The following ZNRF3 variants were observed in gnomAD, a reference collection of about 807,000 sequenced individuals.
ZNRF3 encodes the protein zinc and ring finger 3.
ZNRF3 carries 23 observed loss-of-function variants against 72.5 expected under a neutral mutation model. The ratio of observed to expected loss-of-function variants is 0.32; its 90% CI spans 0.23 to 0.45. ZNRF3 has a LOEUF of 0.45. Among genes scored for constraint, ZNRF3 ranks in the 20% least tolerant of loss-of-function variants. The probability of loss-of-function intolerance (pLI) is 1.00; values close to 1 mark genes in which losing one functional copy is unlikely to be tolerated. For synonymous variants in ZNRF3, 610 were observed against 545.3 expected, an observed-to-expected ratio of 1.12 and a Z score of -1.65; for missense variants, 1,169 against 1,272.1, an observed-to-expected ratio of 0.92 and a Z score of 1.23.
chr22:28,909,297 T>C (rs184295435), intron 1 of ZNRF3, among the ~76,000 whole-genome samples: 1 of 152,166 alleles, frequency 6.6e-6, no homozygotes, highest in Non-Finnish European at 1.5e-5. Flanking sequence ...TATTGCTACC[T>C]ATGGAAGAGT....
chr22:29,028,903 A>G (rs2036693214), intron 2 of ZNRF3, among the ~76,000 whole-genome samples: 1 of 152,232 alleles, frequency 6.6e-6, no homozygotes, highest in African/African-American at 2.4e-5. Context: ...GAGGAGTCCA[A>G]GGGGAAGCCC....
chr22:28,888,653 A>C (rs190919803), intron 1 of ZNRF3, among the ~76,000 whole-genome samples: 40 of 152,326 alleles, frequency 2.6e-4, no homozygotes, highest in Admixed American at 2.5e-3. Flanking sequence ...GTTTCCTCTT[A>C]TTTATACAGA....
intron 2 of ZNRF3, chr22:29,031,370 C>T (rs2036751654): frequency 6.5e-6 from 1 of 154,444 alleles, no homozygotes; most frequent in African/African-American, 2.4e-5. Flanking sequence ...ACCCCCGTTC[C>T]TGGCACCAGG....
At chr22:29,025,613 C>G (rs1442354347) in intron 2 of ZNRF3, 1 of 151,192 alleles carries the variant, frequency 6.6e-6, no homozygotes, top group East Asian at 1.9e-4. Flanking sequence ...GCCTGGAATA[C>G]AAGCGCATGA....
intron 2 of ZNRF3, among the ~76,000 whole-genome samples, chr22:28,989,929 G>C (rs545772854): frequency 3.5e-3 from 539 of 152,342 alleles, no homozygotes; most frequent in Admixed American, 6.6e-3. Context: ...GCATAAACTT[G>C]TCACCTCAGT....
Position 29,050,814 on chromosome 22 carries a change from G to C in ZNRF3, c.2633G>C (p.Arg878Pro), listed in dbSNP as rs769941403. The C allele has an allele frequency of 6.8e-6, 11 of 1,607,814 alleles. No homozygotes were observed. In the Middle Eastern group the frequency reaches 5.0e-4, roughly 73 times the overall value. ...RGLGATREEE[R>P]ALCCQARALL... is the part of the protein sequence containing the mutation. ...CTGGGAGCAACCCGGGAAGAGGAGC[G>C]GGCTCTGTGCTGCCAGGCTAGGGCC... The change falls in exon 8 of 9, where the codon CGG becomes CCG. Residue 878 changes from arginine to proline, a missense_variant. Coordinates refer to ENST00000544604, the MANE Select transcript of ZNRF3 (RefSeq NM_001206998.2).
intron 1 of ZNRF3, among the ~76,000 whole-genome samples, chr22:28,890,786 C>T (rs746321770): frequency 2.0e-5 from 3 of 150,412 alleles, no homozygotes; most frequent in Non-Finnish European, 4.4e-5. Flanking sequence ...TTGTCAGGGT[C>T]TCACCATGTT....
chr22:29,013,259 G>T (rs2036375613), intron 2 of ZNRF3, among the ~76,000 whole-genome samples: 1 of 152,128 alleles, frequency 6.6e-6, no homozygotes, highest in Non-Finnish European at 1.5e-5. Context: ...GCTTCAACTT[G>T]GAGAAAAACG....
intron 1 of ZNRF3, among the ~76,000 whole-genome samples, chr22:28,899,690 TTTC>T (rs1408639579): frequency 1.1e-4 from 16 of 145,270 alleles, no homozygotes; most frequent in East Asian, 1.1e-3. Flanking sequence ...TCTTTCTTTC[TTTC>T]TTTTTTTTTT....
chr22:28,959,959 A>G (rs958023698), intron 1 of ZNRF3, among the ~76,000 whole-genome samples: 2 of 152,194 alleles, frequency 1.3e-5, no homozygotes, highest in Non-Finnish European at 2.9e-5. Flanking sequence ...AACTGTGAGA[A>G]AATAAGTTTC....
rs138073525 is a variant in ZNRF3, at chr22:28,941,773, T to A, written c.301-45303T>A. 7.3e-3 allele frequency among the ~76,000 whole-genome samples: 1,111 copies of A among 151,840 alleles called. 11 individuals carry two copies. The highest frequency in any genetic ancestry group is 0.026 in the African/African-American group (1,064 of 41,380). On this transcript the variant is annotated intron_variant, in intron 1 of 8. Coordinates refer to ENST00000544604, the MANE Select transcript of ZNRF3 (RefSeq NM_001206998.2). ...TAAAAATACAAAAATTAGCTGGGCG[T>A]GGTGGCGCATGCCTGTAATCCCAGC...
At chr22:28,899,112 C>G (rs754995117) in intron 1 of ZNRF3, among the ~76,000 whole-genome samples, 6 of 151,984 alleles carry the variant, frequency 3.9e-5, no homozygotes, top group Non-Finnish European at 7.4e-5. Context: ...CAATAAATGT[C>G]ACCCTCATCC....
At chr22:29,045,558 G>A (rs142967046) in intron 5 of ZNRF3, among the ~76,000 whole-genome samples, 2,650 of 152,042 alleles carry the variant, frequency 0.017, 25 homozygotes, top group African/African-American at 0.029. Context: ...GCATGATCTC[G>A]GCTCACTGCA....
At chr22:28,911,691 G>GT (rs132542) in intron 1 of ZNRF3, among the ~76,000 whole-genome samples, 1 of 151,920 alleles carries the variant, frequency 6.6e-6, no homozygotes, top group African/African-American at 2.4e-5. Context: ...TTTTCTGAGA[G>GT]TTTTTTTTTA....
chr22:29,054,521 G>A lies in ZNRF3; in HGVS notation c.*899G>A, dbSNP rs1004489998. On this transcript the variant is annotated 3_prime_UTR_variant, in exon 9 of 9. Coordinates refer to ENST00000544604, the MANE Select transcript of ZNRF3 (RefSeq NM_001206998.2). ...ACTCTGACCCTCCGGGCAGGGAAGAGGAGGTTGTCCCCTTTGGTTGTCCTG... is the reference window on the plus strand; with the variant it reads ...ACTCTGACCCTCCGGGCAGGGAAGAAGAGGTTGTCCCCTTTGGTTGTCCTG... 1 of 152,674 alleles carries A rather than the reference G, an allele frequency of 6.5e-6. No homozygotes were observed. The highest frequency in any genetic ancestry group is 2.4e-5 in the African/African-American group (1 of 41,474). 9.5% of individuals were successfully genotyped at this position (152,674 alleles called of 1,614,324 possible).
At position 29,050,801 on chromosome 22, in the gene ZNRF3, C is replaced by T. The variant is rs747893029; in HGVS notation, c.2620C>T (p.Arg874Trp). ...GCCCCACAGGGGCCTGGGAGCAACC[C>T]GGGAAGAGGAGCGGGCTCTGTGCTG... ...PRPHRGLGAT[R>W]EEERALCCQA... is the part of the protein sequence containing the mutation. The change falls in exon 8 of 9, where the codon CGG (arginine) becomes TGG (tryptophan). Residue 874 changes from arginine to tryptophan, a missense_variant. By Grantham distance (101) the Arg-to-Trp change is moderately radical (BLOSUM62 -3). Coordinates refer to ENST00000544604, the MANE Select transcript of ZNRF3 (RefSeq NM_001206998.2). 5.6e-6 allele frequency: 9 copies of T among 1,608,078 alleles called. No individual in the cohort carries two copies. The highest frequency in any genetic ancestry group is 5.5e-5 in the South Asian group (5 of 90,556).
chr22:28,926,209 G>C (rs2034597173), intron 1 of ZNRF3, among the ~76,000 whole-genome samples: 1 of 152,210 alleles, frequency 6.6e-6, no homozygotes, highest in Non-Finnish European at 1.5e-5. Context: ...TGCACATTCT[G>C]TTCAGAGACT....
At chr22:29,043,458 C>G (rs1290277346) in intron 4 of ZNRF3, 28 bp downstream of exon 4, 5 of 1,610,760 alleles carry the variant, frequency 3.1e-6, no homozygotes, top group Non-Finnish European at 4.2e-6. Context: ...TTGGCACAGG[C>G]TCGGGGCCTT....
chr22:28,980,957 C>A (rs1461896012), intron 1 of ZNRF3, among the ~76,000 whole-genome samples: 1 of 152,182 alleles, frequency 6.6e-6, no homozygotes, highest in Non-Finnish European at 1.5e-5. Flanking sequence ...TGTCAAGCAT[C>A]TGACTAGGAA....
Sources: allele counts gnomAD v4.1 joint callset (sites outside exome capture counted in the v4.1 genomes callset), GRCh38; gene constraint gnomAD v4.1.1; transcripts MANE v1.5; gene names NCBI Gene and HGNC (gene_info 2026-07-23, HGNC 2026-07-21).